ABI3BP: variants seen among roughly 807,000 people sequenced by gnomAD.
ABI3BP encodes target of Nesh-SH3.
A neutral mutation model predicts 268.6 loss-of-function variants in ABI3BP; 216 were observed. That is an observed-to-expected ratio of 0.80 (90% CI 0.72 to 0.90). The LOEUF (loss-of-function observed/expected upper bound fraction) is 0.90. Among genes scored for constraint, ABI3BP ranks in the 40% least tolerant of loss-of-function variants. The pLI is 0.00. For missense variants in ABI3BP, 2,090 were observed against 2,182.4 expected (o/e 0.96, Z 0.84); for synonymous variants, 730 against 730.0 (o/e 1.00, Z 0.00).
rs1354548885 is a variant in ABI3BP, at chr3:100,851,955, A to G, written c.1286-15T>C. On this transcript the variant is annotated splice_polypyrimidine_tract_variant and intron_variant, in intron 14 of 67. Coordinates refer to ENST00000471714, the MANE Select transcript of ABI3BP (RefSeq NM_001375547.2). ...ATCATAAGTTGCTTAAAAAAAAAAA[A>G]AAGGCAAAACAAGAGAGATGTTAAT... The G allele has an allele frequency of 1.3e-6, 2 of 1,547,008 alleles. No homozygotes were observed. Among genetic ancestry groups the G allele is most frequent in the Non-Finnish European group, 1.7e-6 (2 of 1,149,648 alleles).
Position 100,833,110 on chromosome 3 carries a change from A to T in ABI3BP, c.2314+15T>A, listed in dbSNP as rs758851750. 2 of 1,533,778 alleles carry T rather than the reference A, an allele frequency of 1.3e-6. 1 individual carries two copies. Among genetic ancestry groups the T allele is most frequent in the South Asian group, 2.4e-5 (2 of 83,872 alleles). On this transcript the variant is annotated intron_variant, in intron 30 of 67. Transcript: ENST00000471714. Reference sequence around the variant, plus strand: ...TAAGAAAAAGGACTTGCTGAAGGACATAGAGAGTCATTACCTGAAGATGTC... The same window carrying T: ...TAAGAAAAAGGACTTGCTGAAGGACTTAGAGAGTCATTACCTGAAGATGTC...
At chr3:100,874,999 A>C in intron 8 of ABI3BP, 66 bp from the exon 9 acceptor site, 25 of 894,634 alleles carry the variant, frequency 2.8e-5, no homozygotes, top group Non-Finnish European at 4.0e-5. Context: ...AATGAAGCTC[A>C]GCACATCAGA....
chr3:100,873,968 A>G (rs1339259804), intron 9 of ABI3BP, among the ~76,000 whole-genome samples: 1 of 152,238 alleles, frequency 6.6e-6, no homozygotes, highest in Admixed American at 6.5e-5. Flanking sequence ...TGCCTAGCTC[A>G]GGGAATACAT....
intron 58 of ABI3BP, among the ~76,000 whole-genome samples, chr3:100,779,697 T>G (rs1440083036): frequency 1.3e-5 from 2 of 152,064 alleles, no homozygotes; most frequent in Non-Finnish European, 2.9e-5. Context: ...AAAGGTATTC[T>G]GAGTCACCAG....
chr3:100,861,566 T>C (rs985818446), intron 14 of ABI3BP, among the ~76,000 whole-genome samples: 6 of 152,224 alleles, frequency 3.9e-5, no homozygotes, highest in African/African-American at 1.2e-4. Flanking sequence ...AATTCTCATA[T>C]GCTGAATACG....
chr3:100,908,472 G>C (rs1281748040), intron 2 of ABI3BP, among the ~76,000 whole-genome samples: 1 of 151,954 alleles, frequency 6.6e-6, no homozygotes, highest in Non-Finnish European at 1.5e-5. Flanking sequence ...AACTTACAAG[G>C]GATGTGAAGG....
At chr3:100,984,647 C>T (rs1404946563) in intron 1 of ABI3BP, among the ~76,000 whole-genome samples, 1 of 152,038 alleles carries the variant, frequency 6.6e-6, no homozygotes, top group East Asian at 1.9e-4. Flanking sequence ...GTGAGGGAAA[C>T]CTACAACACA....
chr3:100,911,269 T>C (rs1014784318), intron 2 of ABI3BP: 3 of 314,442 alleles, frequency 9.5e-6, no homozygotes, highest in African/African-American at 4.5e-5. Flanking sequence ...GTTACAGCTT[T>C]TAGAAACATG....
At chr3:100,920,916 A>G (rs1357069101) in intron 2 of ABI3BP, among the ~76,000 whole-genome samples, 1 of 152,220 alleles carries the variant, frequency 6.6e-6, no homozygotes, top group Non-Finnish European at 1.5e-5. Context: ...TCCTCACATC[A>G]TGCTGCCTCT....
At chr3:100,982,210 C>A (rs1435529227) in intron 1 of ABI3BP, among the ~76,000 whole-genome samples, 1 of 152,088 alleles carries the variant, frequency 6.6e-6, no homozygotes, top group African/African-American at 2.4e-5. Context: ...CACCTCCCAC[C>A]AAGTTCCACC....
At chr3:100,776,154 T>G (rs1559989903) in intron 59 of ABI3BP, among the ~76,000 whole-genome samples, 1 of 151,800 alleles carries the variant, frequency 6.6e-6, no homozygotes. Context: ...GTGTTTGGAG[T>G]CGAAAGGAGA....
intron 1 of ABI3BP, among the ~76,000 whole-genome samples, chr3:100,932,131 A>C (rs2063835800): frequency 6.6e-6 from 1 of 151,796 alleles, no homozygotes; most frequent in Non-Finnish European, 1.5e-5. Flanking sequence ...CAGTAAATGG[A>C]GTGGGATAAT....
chr3:100,843,427 A>G (rs2098730241), intron 20 of ABI3BP, among the ~76,000 whole-genome samples: 1 of 148,890 alleles, frequency 6.7e-6, no homozygotes, highest in Non-Finnish European at 1.5e-5. Context: ...TGTGTGAGTG[A>G]GTCTGTATGA....
chr3:100,791,682 TG>T (rs1299110360), intron 55 of ABI3BP, among the ~76,000 whole-genome samples: 10 of 151,748 alleles, frequency 6.6e-5, no homozygotes, highest in African/African-American at 2.4e-4. Flanking sequence ...AAAAATTAAA[TG>T]AAGTAATTGA....
At chr3:100,842,468 C>G (rs1475473878) in intron 20 of ABI3BP, among the ~76,000 whole-genome samples, 1 of 152,180 alleles carries the variant, frequency 6.6e-6, no homozygotes, top group Non-Finnish European at 1.5e-5. Context: ...TTGGCTGGAC[C>G]TGACGTTCTC....
chr3:100,749,956 T>C lies in ABI3BP; in HGVS notation c.*539A>G. On this transcript the variant is annotated 3_prime_UTR_variant, in exon 68 of 68. Coordinates refer to ENST00000471714, the MANE Select transcript of ABI3BP (RefSeq NM_001375547.2). ...AAACTCCTCCGCAAAGCTATTCAGC[T>C]GTTGCTAAAAAATTGAAGTTTAAAT... 7.8e-6 allele frequency: 3 copies of C among 382,764 alleles called. No individual in the cohort carries two copies. The highest frequency in any genetic ancestry group is 1.4e-5 in the Non-Finnish European group (3 of 216,502). 23.7% of individuals were successfully genotyped at this position (382,764 alleles called of 1,614,324 possible).
intron 27 of ABI3BP, among the ~76,000 whole-genome samples, chr3:100,836,025 AATTT>A (rs757113033): frequency 2.0e-5 from 3 of 152,250 alleles, no homozygotes; most frequent in Non-Finnish European, 4.4e-5. Flanking sequence ...CACCATTATT[AATTT>A]GTTTTGAGAG....
chr3:100,786,749 TAA>T lies in ABI3BP; in HGVS notation c.4162+977_4162+978del, dbSNP rs1368386209. Among the ~76,000 whole-genome samples, 4 of 152,158 alleles carry T rather than the reference TAA, an allele frequency of 2.6e-5. No homozygotes were observed. The East Asian group carries it at 7.7e-4, about 29-fold the overall frequency. ...CATCTAATCCCACAGTTGGGCAGAA[TAA>T]AAAGAGTAGCTGAGCACAAATAGAT... On this transcript the variant is annotated intron_variant, in intron 57 of 67. Transcript: ENST00000471714.
chr3:100,763,835 T>A (rs1478065321), intron 63 of ABI3BP, among the ~76,000 whole-genome samples: 1 of 152,234 alleles, frequency 6.6e-6, no homozygotes, highest in East Asian at 1.9e-4. Context: ...AGTTATTTTT[T>A]ATTAGATTTA....
Sources: allele counts gnomAD v4.1 joint callset (sites outside exome capture counted in the v4.1 genomes callset), GRCh38; gene constraint gnomAD v4.1.1; transcripts MANE v1.5; gene names NCBI Gene and HGNC (gene_info 2026-07-23, HGNC 2026-07-21).